TTC21B: variants seen among roughly 807,000 people sequenced by gnomAD.
TTC21B encodes tetratricopeptide repeat protein 21B.
Under a neutral mutation model 175.1 loss-of-function variants are expected in TTC21B, and 127 were observed. That is an observed-to-expected ratio of 0.73 (90% confidence interval 0.63 to 0.84). TTC21B has a LOEUF of 0.84. Among genes scored for constraint, TTC21B ranks in the 40% least tolerant of loss-of-function variants. The probability of loss-of-function intolerance (pLI) is 0.00; values close to 1 mark genes in which losing one functional copy is unlikely to be tolerated. For synonymous variants in TTC21B, 524 were observed against 524.5 expected, an observed-to-expected ratio of 1.00 and a Z score of 0.01; for missense variants, 1,561 against 1,558.3, an observed-to-expected ratio of 1.00 and a Z score of -0.03.
intron 4 of TTC21B, among the ~76,000 whole-genome samples, chr2:165,945,088 G>C (rs1312058400): frequency 6.6e-6 from 1 of 152,098 alleles, no homozygotes; most frequent in East Asian, 1.9e-4. Context: ...TATTAGCTGG[G>C]GATGTGCTCT....
At position 165,912,481 on chromosome 2, in the gene TTC21B, C is replaced by T. The variant is rs374794641; in HGVS notation, c.2322+33G>A. 9.2e-6 allele frequency: 14 copies of T among 1,528,742 alleles called. No homozygotes were observed. The African/African-American group carries it at 1.9e-4, about 21-fold the overall frequency. The allele number at this position is 1,528,742 out of a possible 1,614,324, so 94.7% of individuals were successfully genotyped here. On this transcript the variant is annotated intron_variant, in intron 17 of 28. Coordinates refer to ENST00000243344, the MANE Select transcript of TTC21B (RefSeq NM_024753.5). ...AGGACAGGGTATGATAAATTTGATGCAACAGACATATTTCAAACAATAAAG... is the reference window on the plus strand; with the variant it reads ...AGGACAGGGTATGATAAATTTGATGTAACAGACATATTTCAAACAATAAAG...
At chr2:165,931,556 C>A (rs1290022674) in intron 8 of TTC21B, among the ~76,000 whole-genome samples, 2 of 152,144 alleles carry the variant, frequency 1.3e-5, no homozygotes, top group African/African-American at 4.8e-5. Flanking sequence ...CAGTAAGTGG[C>A]ATTTCCTCCA....
intron 9 of TTC21B, 113 bp from the exon 10 acceptor site, chr2:165,929,860 C>T (rs569115411): frequency 5.9e-5 from 45 of 768,344 alleles, no homozygotes; most frequent in South Asian, 4.9e-4. Context: ...CAATACTTAA[C>T]GTTTTAGATT....
intron 18 of TTC21B, 64 bp from the exon 19 acceptor site, chr2:165,907,848 A>G (rs1363445683): frequency 8.2e-7 from 1 of 1,215,498 alleles, no homozygotes; most frequent in East Asian, 2.6e-5. Flanking sequence ...ATATTTTTCC[A>G]GAATTTTTAA....
intron 22 of TTC21B, among the ~76,000 whole-genome samples, chr2:165,892,101 A>C (rs1180654610): frequency 6.6e-6 from 1 of 152,124 alleles, no homozygotes; most frequent in Non-Finnish European, 1.5e-5. Flanking sequence ...GGGCCTACTT[A>C]CTGATGATTC....
intron 11 of TTC21B, chr2:165,928,614 T>C (rs1350271128): frequency 6.5e-6 from 1 of 153,588 alleles, no homozygotes; most frequent in African/African-American, 2.4e-5. Flanking sequence ...TCTGAAGGTC[T>C]GTTTAATGAA....
At chr2:165,914,657 C>CTGTGTGTGTGTGTGGGTGTGTGTG (rs1686078787) in intron 15 of TTC21B, among the ~76,000 whole-genome samples, 1 of 118,142 alleles carries the variant, frequency 8.5e-6, no homozygotes, top group Non-Finnish European at 1.6e-5. Flanking sequence ...GAAGAGCAAT[C>CTGTGTGTGTGTGTGGGTGTGTGTG]TGTGTGTGTG....
chr2:165,890,459 T>C lies in TTC21B; in HGVS notation c.3263+20A>G, dbSNP rs745392608. 23 of 1,611,980 alleles carry C rather than the reference T, an allele frequency of 1.4e-5. No homozygotes were observed. Among genetic ancestry groups the C allele is most frequent in the African/African-American group, 1.1e-4 (8 of 74,842 alleles). On this transcript the variant is annotated intron_variant, in intron 24 of 28. Coordinates refer to ENST00000243344, the MANE Select transcript of TTC21B (RefSeq NM_024753.5). The stretch of plus-strand genomic sequence containing the variant: ...CCAACAAGTGTTTTTTAAAAAAGGA[T>C]AATATGTCAAATAACTCACCCCAGG...
intron 19 of TTC21B, among the ~76,000 whole-genome samples, chr2:165,904,807 A>C (rs914715879): frequency 6.6e-6 from 1 of 152,224 alleles, no homozygotes; most frequent in Non-Finnish European, 1.5e-5. Context: ...GTCCTTTTTA[A>C]AAAATATAAA....
At chr2:165,899,071 G>A (rs182477185) in intron 21 of TTC21B, among the ~76,000 whole-genome samples, 8 of 152,248 alleles carry the variant, frequency 5.3e-5, no homozygotes, top group African/African-American at 1.9e-4. Context: ...CACACTCTAT[G>A]TGCTGTTGTA....
chr2:165,893,803 A>G (rs1046955622), intron 22 of TTC21B, among the ~76,000 whole-genome samples: 26 of 152,186 alleles, frequency 1.7e-4, no homozygotes, highest in Admixed American at 1.0e-3. Flanking sequence ...GGACAAAGGC[A>G]TTCCAAGTAG....
intron 15 of TTC21B, among the ~76,000 whole-genome samples, chr2:165,914,684 T>TGTGTGTGTGTGTGCGCGCGCGC (rs1686091642): frequency 1.3e-5 from 2 of 150,992 alleles, no homozygotes; most frequent in African/African-American, 4.9e-5. Context: ...TGTGTGTGTG[T>TGTGTGTGTGTGTGCGCGCGCGC]GTGTGTGTGT....
At position 165,911,376 on chromosome 2, in the gene TTC21B, C is replaced by A. The variant is rs1685925745; in HGVS notation, c.2412G>T (p.Trp804Cys). The A allele has an allele frequency of 1.9e-6, 3 of 1,613,814 alleles. No individual in the cohort carries two copies. The highest frequency in any genetic ancestry group is 2.5e-6 in the Non-Finnish European group (3 of 1,179,888). Residue 804 changes from tryptophan to cysteine, a missense_variant, in exon 18 of 29, where the codon TGG (tryptophan) becomes TGT (cysteine). Transcript: ENST00000243344. ...GAAGAACTTTTTCTGCTTTGTCATA[C>A]CATTTCAATTTTAATAAGAGCTCAG... ...DLAELLLKLK[W>C]YDKAEKVLQH... is the part of the protein sequence containing the mutation.
chr2:165,887,491 C>T (rs1183712776), intron 25 of TTC21B, among the ~76,000 whole-genome samples: 1 of 151,878 alleles, frequency 6.6e-6, no homozygotes, highest in Non-Finnish European at 1.5e-5. Flanking sequence ...AGTTTGAGAC[C>T]AGCCTGGCGA....
chr2:165,953,651 G>GCCCGGTCA (rs1687831135), intron 1 of TTC21B, 34 bp downstream of exon 1: 33 of 1,511,044 alleles, frequency 2.2e-5, no homozygotes, highest in Non-Finnish European at 2.8e-5. Flanking sequence ...CCGCCCGCCC[G>GCCCGGTCA]CCCGCTCACC....
At chr2:165,875,243 C>T (rs1684628248) in intron 28 of TTC21B, among the ~76,000 whole-genome samples, 1 of 150,664 alleles carries the variant, frequency 6.6e-6, no homozygotes, top group Non-Finnish European at 1.5e-5. Context: ...ATTTCTAGTT[C>T]TACTGAGTCT....
chr2:165,875,903 T>A (rs1013079181), intron 28 of TTC21B, among the ~76,000 whole-genome samples: 1 of 152,084 alleles, frequency 6.6e-6, no homozygotes, highest in Non-Finnish European at 1.5e-5. Flanking sequence ...TGGTTTATTG[T>A]TTAATATGTA....
intron 20 of TTC21B, 128 bp from the exon 21 acceptor site, chr2:165,900,008 C>CAAAAAAAAA: frequency 7.5e-6 from 1 of 133,042 alleles, no homozygotes; most frequent in Non-Finnish European, 1.5e-5. Flanking sequence ...GTATAATAGA[C>CAAAAAAAAA]AAAAAAAAAA....
At chr2:165,886,028 A>G (rs950043384) in intron 25 of TTC21B, among the ~76,000 whole-genome samples, 1 of 152,204 alleles carries the variant, frequency 6.6e-6, no homozygotes, top group East Asian at 1.9e-4. Flanking sequence ...CATTTCTTCC[A>G]TGATTTCTTG....
Sources: gnomAD v4.1 joint callset for allele counts (sites outside exome capture counted in the v4.1 genomes callset) on GRCh38, gnomAD v4.1.1 for gene constraint, MANE v1.5 for transcripts, NCBI Gene and HGNC (gene_info 2026-07-23, HGNC 2026-07-21) for gene names.